Variants in PRKAB1 observed in about 807,000 individuals in gnomAD.
PRKAB1 encodes the protein protein kinase AMP-activated non-catalytic subunit beta 1, also known as 5'-AMP-activated protein kinase subunit beta-1.
Under a neutral mutation model 32.0 loss-of-function variants are expected in PRKAB1, and 18 were observed. That is an observed-to-expected ratio of 0.56 (90% CI 0.39 to 0.83). PRKAB1 has a LOEUF of 0.83. Among genes scored for constraint, PRKAB1 ranks in the 40% least tolerant of loss-of-function variants. The pLI is 0.00. For missense variants in PRKAB1, 263 were observed against 352.6 expected (o/e 0.75, Z 2.03); for synonymous variants, 141 against 141.4 (o/e 1.00, Z 0.02).
chr12:119,680,296 G>A lies in PRKAB1; in HGVS notation c.784G>A (p.Val262Ile), dbSNP rs1218272618. Reference protein sequence around the residue: ...SATHRYKKKYVTTLLYKPI With the variant: ...SATHRYKKKYITTLLYKPI ...AACCCACCGGTACAAGAAGAAGTACGTCACCACCTTGTTATACAAGCCCAT... is the reference window on the plus strand; with the variant it reads ...AACCCACCGGTACAAGAAGAAGTACATCACCACCTTGTTATACAAGCCCAT... Residue 262 changes from valine (V) to isoleucine (I), a missense_variant, in exon 7 of 7, where the codon GTC becomes ATC. Val to Ile is a conservative substitution (Grantham distance 29, BLOSUM62 3). Coordinates refer to ENST00000229328, the MANE Select transcript of PRKAB1 (RefSeq NM_006253.5). The A allele has an allele frequency of 5.6e-6, 9 of 1,613,952 alleles. No homozygotes were observed. Among genetic ancestry groups the A allele is most frequent in the African/African-American group, 2.7e-5 (2 of 74,914 alleles).
At chr12:119,675,921 G>C (rs1401759665) in intron 4 of PRKAB1, among the ~76,000 whole-genome samples, 7 of 152,160 alleles carry the variant, frequency 4.6e-5, no homozygotes, top group Admixed American at 1.3e-4. Context: ...ATGAAATCCT[G>C]CTCTTGTAGC....
rs1233893026 is a variant in PRKAB1 at position 119,677,949 on chromosome 12, AAAGATGGGGTTTCACCATGTTAGCC to A, written c.666+1287_666+1311del. 3 of 152,046 alleles carry A rather than the reference AAAGATGGGGTTTCACCATGTTAGCC, an allele frequency of 2.0e-5. No homozygotes were observed. In the East Asian group the frequency reaches 5.8e-4, roughly 29 times the overall value. 9.4% of individuals were successfully genotyped at this position (152,046 alleles called of 1,614,324 possible). On this transcript the variant is annotated intron_variant, in intron 5 of 6. Transcript: ENST00000229328. ...CCGGCAAATTTTTTGTATTTTTAGT[AAAGATGGGGTTTCACCATGTTAGCC>A]AAGATGGTCTCGATCTCCTAGCCTC...
At chr12:119,673,589 C>G (rs1204256098) in intron 2 of PRKAB1, among the ~76,000 whole-genome samples, 1 of 152,194 alleles carries the variant, frequency 6.6e-6, no homozygotes, top group Non-Finnish European at 1.5e-5. Context: ...CTTCTCCTGC[C>G]CAAGGCAAAG....
At chr12:119,668,779 T>G (rs192925824) in intron 1 of PRKAB1, among the ~76,000 whole-genome samples, 1 of 152,352 alleles carries the variant, frequency 6.6e-6, no homozygotes. Flanking sequence ...ACAAATTCCC[T>G]CACCTTTACA....
Position 119,681,567 on chromosome 12 carries a change from G to A in PRKAB1, c.*1242G>A, listed in dbSNP as rs1955464238. On this transcript the variant is annotated 3_prime_UTR_variant, in exon 7 of 7. Coordinates refer to ENST00000229328, the MANE Select transcript of PRKAB1 (RefSeq NM_006253.5). ...CCCTTTTTTGTGACTTTTCAAAACA[G>A]TGAATTACTGTCACCTTGATGGACA... 1.3e-5 allele frequency: 2 copies of A among 152,178 alleles called. No individual in the cohort carries two copies. The highest frequency in any genetic ancestry group is 4.8e-5 in the African/African-American group (2 of 41,432). The allele number at this position is 152,178 out of a possible 1,614,324, so 9.4% of individuals were successfully genotyped here.
In PRKAB1 at chr12:119,680,451, T is replaced by G; in HGVS notation, c.*126T>G. ...CACTCTTCAGAAGACATTTCATACC[T>G]GCCCTGGTCCTGCTTGAAGGTTTGT... On this transcript the variant is annotated 3_prime_UTR_variant, in exon 7 of 7. Transcript: ENST00000229328. 1.0e-6 allele frequency: 1 copy of G among 988,998 alleles called. No homozygotes were observed. The highest frequency in any genetic ancestry group is 1.5e-6 in the Non-Finnish European group (1 of 656,468). The allele number at this position is 988,998 out of a possible 1,614,324, so 61.3% of individuals were successfully genotyped here.
chr12:119,671,655 GA>G (rs1955389802), intron 1 of PRKAB1: 1 of 230,612 alleles, frequency 4.3e-6, no homozygotes, highest in Non-Finnish European at 9.2e-6. Flanking sequence ...GGATTATGGG[GA>G]TTACAATTCA....
chr12:119,676,035 T>C (rs1270009183), intron 4 of PRKAB1, among the ~76,000 whole-genome samples: 5 of 152,072 alleles, frequency 3.3e-5, no homozygotes, highest in Non-Finnish European at 7.4e-5. Flanking sequence ...CTTTCAATTT[T>C]CCCCCCCATT....
chr12:119,670,756 G>C (rs995353256), intron 1 of PRKAB1, among the ~76,000 whole-genome samples: 1 of 152,174 alleles, frequency 6.6e-6, no homozygotes, highest in Non-Finnish European at 1.5e-5. Flanking sequence ...AAAAAGTCGT[G>C]AATTCTTTTA....
chr12:119,674,250 G>C lies in PRKAB1; in HGVS notation c.418-90G>C. 8.6e-7 allele frequency: 1 copy of C among 1,158,184 alleles called. No homozygotes were observed. Among genetic ancestry groups the C allele is most frequent in the Non-Finnish European group, 1.3e-6 (1 of 791,228 alleles). 71.7% of individuals were successfully genotyped at this position (1,158,184 alleles called of 1,614,324 possible). A position where few individuals can be genotyped will look rare whatever the true frequency, so the allele number is the denominator to read the frequency against. ...TGAGCAGGGTGGCTAGCCAGGAGAT[G>C]AGGCCTTCCAGCCAGGAATTCCAAG... On this transcript the variant is annotated intron_variant, in intron 3 of 6. Transcript: ENST00000229328. This position sits in a 1 kb window ranked among gnomAD's most constrained non-coding sequence, Gnocchi z 4.3.
At position 119,674,490 on chromosome 12, in the gene PRKAB1, G is replaced by C; in HGVS notation, c.532+36G>C. 6.9e-7 allele frequency: 1 copy of C among 1,441,274 alleles called. No homozygotes were observed. Among genetic ancestry groups the C allele is most frequent in the Non-Finnish European group, 9.8e-7 (1 of 1,024,988 alleles). The allele number at this position is 1,441,274 out of a possible 1,614,324, so 89.3% of individuals were successfully genotyped here. On this transcript the variant is annotated intron_variant, in intron 4 of 6. Coordinates refer to ENST00000229328, the MANE Select transcript of PRKAB1 (RefSeq NM_006253.5). This position sits in a 1 kb window ranked among gnomAD's most constrained non-coding sequence, Gnocchi z 4.3. ...AGTTATTTTATACCACATGCGTGCA[G>C]GTGGGGGCTGTACAGTCTAGACATA...
rs758310763 is a variant in PRKAB1 at position 119,674,004 on chromosome 12, G to A, written c.364G>A (p.Glu122Lys). ...FVAILDLPEG[E>K]HQYKFFVDGQ... is the part of the protein sequence containing the mutation. ...AGCCATCCTGGATCTGCCGGAAGGA[G>A]AGCATCAGTACAAGTTCTTTGTGGA... Residue 122 changes from glutamate (E) to lysine (K), a missense_variant, in exon 3 of 7, where the codon GAG becomes AAG. Physicochemically the swap from Glu to Lys is moderately conservative, Grantham distance 56 (BLOSUM62 1). Transcript: ENST00000229328. The surrounding 1 kb of genome is among the most constrained non-coding windows in gnomAD (Gnocchi z 4.3). 4 of 1,614,062 alleles carry A rather than the reference G, an allele frequency of 2.5e-6. No individual in the cohort carries two copies. The South Asian group carries it at 4.4e-5, about 18-fold the overall frequency.
chr12:119,668,581 C>A (rs1955358879), intron 1 of PRKAB1, among the ~76,000 whole-genome samples, 178 bp downstream of exon 1: 1 of 152,208 alleles, frequency 6.6e-6, no homozygotes, highest in Non-Finnish European at 1.5e-5. Flanking sequence ...GTCCAAGAAC[C>A]TGTGTCTAAT....
chr12:119,679,682 G>T lies in PRKAB1; in HGVS notation c.667-251G>T, dbSNP rs112077964. 2.0e-6 allele frequency: 1 copy of T among 501,510 alleles called. No homozygotes were observed. The highest frequency in any genetic ancestry group is 3.6e-6 in the Non-Finnish European group (1 of 274,204). The allele number at this position is 501,510 out of a possible 1,614,324, so 31.1% of individuals were successfully genotyped here. On this transcript the variant is annotated intron_variant, in intron 5 of 6. Transcript: ENST00000229328. This position sits in a 1 kb window ranked among gnomAD's most constrained non-coding sequence, Gnocchi z 4.1. ...GGGCCGTGGCCCACACTTGAAAGAG[G>T]CCGGGGTAAATGCCTGGCCAGAGAC...
At chr12:119,673,802 A>G in intron 2 of PRKAB1, 162 bp from the exon 3 acceptor site, 1 of 552,476 alleles carries the variant, frequency 1.8e-6, no homozygotes, top group East Asian at 3.1e-5. Flanking sequence ...TTTCAGATTG[A>G]GGTCATTATG....
At chr12:119,675,922 C>T (rs1291770598) in intron 4 of PRKAB1, among the ~76,000 whole-genome samples, 1 of 152,206 alleles carries the variant, frequency 6.6e-6, no homozygotes, top group East Asian at 1.9e-4. Context: ...TGAAATCCTG[C>T]TCTTGTAGCA....
rs1955450641 is a variant in PRKAB1 at position 119,679,786 on chromosome 12, T to G, written c.667-147T>G. 2 of 803,700 alleles carry G rather than the reference T, an allele frequency of 2.5e-6. No homozygotes were observed. The highest frequency in any genetic ancestry group is 4.2e-6 in the Non-Finnish European group (2 of 477,818). The allele number at this position is 803,700 out of a possible 1,614,324, so 49.8% of individuals were successfully genotyped here. On this transcript the variant is annotated intron_variant, in intron 5 of 6. Transcript: ENST00000229328. The surrounding 1 kb of genome is among the most constrained non-coding windows in gnomAD (Gnocchi z 4.1). The stretch of plus-strand genomic sequence containing the variant: ...GTGACCTTCATCTCACCTGTCGTCT[T>G]GGACAAGCCCTTGCGCTGCCTGATT...
At chr12:119,673,671 C>T in intron 2 of PRKAB1, 3 of 264,628 alleles carry the variant, frequency 1.1e-5, no homozygotes, top group Non-Finnish European at 1.4e-5. Context: ...AGGAGCCTTG[C>T]GAGCTTGAGA....
At chr12:119,677,689 T>C (rs1324742263) in intron 5 of PRKAB1, 2 of 151,802 alleles carry the variant, frequency 1.3e-5, no homozygotes, top group Non-Finnish European at 2.9e-5. Context: ...TGACACTGCT[T>C]CCCTTAGCTC....
Sources: allele counts gnomAD v4.1 joint callset (sites outside exome capture counted in the v4.1 genomes callset), GRCh38; gene constraint gnomAD v4.1.1; non-coding constraint Gnocchi (gnomAD v3.1); transcripts MANE v1.5; gene names NCBI Gene and HGNC (gene_info 2026-07-23, HGNC 2026-07-21).